Variants in OR4K2 observed in about 807,000 individuals in gnomAD.
OR4K2 encodes olfactory receptor 4K2.
A neutral mutation model predicts 10.5 loss-of-function variants in OR4K2; 8 were observed. That is an observed-to-expected ratio of 0.76 (90% CI 0.45 to 1.37). OR4K2 has a LOEUF of 1.37. Among genes scored for constraint, OR4K2 ranks in the 40% most tolerant of loss-of-function variants. The pLI is 0.00. For synonymous variants in OR4K2, 178 were observed against 133.6 expected, an observed-to-expected ratio of 1.33 and a Z score of -2.29; for missense variants, 547 against 379.5, an observed-to-expected ratio of 1.44 and a Z score of -3.67.
In OR4K2 at chr14:19,883,541, T is replaced by C. The variant is rs1881089960; in HGVS notation, c.*6329T>C. 6.6e-6 allele frequency: 1 copy of C among 152,254 alleles called. No homozygotes were observed. The highest frequency in any genetic ancestry group is 2.1e-4 in the South Asian group (1 of 4,836). 9.4% of individuals were successfully genotyped at this position (152,254 alleles called of 1,614,324 possible). A position where few individuals can be genotyped will look rare whatever the true frequency, so the allele number is the denominator to read the frequency against. On this transcript the variant is annotated 3_prime_UTR_variant, in exon 2 of 2. Coordinates refer to ENST00000641885, the MANE Select transcript of OR4K2 (RefSeq NM_001005501.2). ...TTTCTTCACTCACCCTAGCATACCA[T>C]ATAATTAGAAGTTTGGAACTGATCT...
In OR4K2 at chr14:19,879,824, G is replaced by A. The variant is rs1247783407; in HGVS notation, c.*2612G>A. The A allele has an allele frequency of 6.6e-6, 1 of 152,220 alleles. No homozygotes were observed. The highest frequency in any genetic ancestry group is 1.9e-4 in the East Asian group (1 of 5,198). The allele number at this position is 152,220 out of a possible 1,614,324, so 9.4% of individuals were successfully genotyped here. A position where few individuals can be genotyped will look rare whatever the true frequency, so the allele number is the denominator to read the frequency against. On this transcript the variant is annotated 3_prime_UTR_variant, in exon 2 of 2. Coordinates refer to ENST00000641885, the MANE Select transcript of OR4K2 (RefSeq NM_001005501.2). Reference sequence around the variant, plus strand: ...TTTACCATAAAGCTTGTAAAGCTTAGGTTTTATAACTCCTCCTTTGCATGG... The same window carrying A: ...TTTACCATAAAGCTTGTAAAGCTTAAGTTTTATAACTCCTCCTTTGCATGG...
rs1881095523 is a variant in OR4K2 at position 19,883,791 on chromosome 14, C to T, written c.*6579C>T. 1 of 152,128 alleles carries T rather than the reference C, an allele frequency of 6.6e-6. No individual in the cohort carries two copies. 9.4% of individuals were successfully genotyped at this position (152,128 alleles called of 1,614,324 possible). On this transcript the variant is annotated 3_prime_UTR_variant, in exon 2 of 2. Coordinates refer to ENST00000641885, the MANE Select transcript of OR4K2 (RefSeq NM_001005501.2). ...CATCAACATCTTTATATAACTTTTC[C>T]AATTTTTTAAAGAAAGATACCTCTC...
At position 19,877,108 on chromosome 14, in the gene OR4K2, A is replaced by C; in HGVS notation, c.841A>C (p.Thr281Pro). 6.2e-7 allele frequency: 1 copy of C among 1,607,764 alleles called. No homozygotes were observed. Among genetic ancestry groups the C allele is most frequent in the Non-Finnish European group, 8.5e-7 (1 of 1,179,774 alleles). Reference sequence around the variant, plus strand: ...TGTGTTTTATACCATCTTTACTCCCACTCTGAACCCAATAATCTATACTTT... The same window carrying C: ...TGTGTTTTATACCATCTTTACTCCCCCTCTGAACCCAATAATCTATACTTT... ...LSVFYTIFTPTLNPIIYTLRN... is the reference protein window; with the variant it reads ...LSVFYTIFTPPLNPIIYTLRN... Residue 281 changes from threonine (T) to proline (P), a missense_variant, in exon 2 of 2, where the codon ACT becomes CCT. Thr to Pro is a conservative substitution (Grantham distance 38, BLOSUM62 -1). Coordinates refer to ENST00000641885, the MANE Select transcript of OR4K2 (RefSeq NM_001005501.2).
In OR4K2 at chr14:19,875,456, C is replaced by T. The variant is rs1481828843; in HGVS notation, c.-702C>T. The T allele has an allele frequency of 6.6e-6, 1 of 152,218 alleles. No homozygotes were observed. Among genetic ancestry groups the T allele is most frequent in the Non-Finnish European group, 1.5e-5 (1 of 68,024 alleles). The allele number at this position is 152,218 out of a possible 1,614,324, so 9.4% of individuals were successfully genotyped here. ...TCAAACAGAGGTGAAATGAAAGAGA[C>T]TGATCTTTGAGCACTTTCCCATGAA... On this transcript the variant is annotated 5_prime_UTR_variant, in exon 1 of 2. Coordinates refer to ENST00000641885, the MANE Select transcript of OR4K2 (RefSeq NM_001005501.2).
In OR4K2 at chr14:19,876,641, C is replaced by T. The variant is rs1251466214; in HGVS notation, c.374C>T (p.Ala125Val). 1 of 1,614,050 alleles carries T rather than the reference C, an allele frequency of 6.2e-7. No individual in the cohort carries two copies. The highest frequency in any genetic ancestry group is 8.5e-7 in the Non-Finnish European group (1 of 1,180,004). Residue 125 changes from alanine to valine, a missense_variant, in exon 2 of 2, where the codon GCA becomes GTA. Transcript: ENST00000641885. ...LMAMSFDRYI[A>V]ICKPLHYASV... Reference sequence around the variant, plus strand: ...GCCATGTCCTTTGATAGGTATATTGCAATATGCAAGCCCCTGCACTATGCT... The same window carrying T: ...GCCATGTCCTTTGATAGGTATATTGTAATATGCAAGCCCCTGCACTATGCT...
Position 19,881,393 on chromosome 14 carries a change from C to T in OR4K2, c.*4181C>T, listed in dbSNP as rs1429382264. 4 of 152,180 alleles carry T rather than the reference C, an allele frequency of 2.6e-5. No homozygotes were observed. The highest frequency in any genetic ancestry group is 9.7e-5 in the African/African-American group (4 of 41,434). The allele number at this position is 152,180 out of a possible 1,614,324, so 9.4% of individuals were successfully genotyped here. A position where few individuals can be genotyped will look rare whatever the true frequency, so the allele number is the denominator to read the frequency against. Reference sequence around the variant, plus strand: ...ATTATTCTGGAGCGTGTAGGACCAACACTCAAATGAGACTGGAAATGTGAC... The same window carrying T: ...ATTATTCTGGAGCGTGTAGGACCAATACTCAAATGAGACTGGAAATGTGAC... On this transcript the variant is annotated 3_prime_UTR_variant, in exon 2 of 2. Coordinates refer to ENST00000641885, the MANE Select transcript of OR4K2 (RefSeq NM_001005501.2).
chr14:19,882,481 G>C lies in OR4K2; in HGVS notation c.*5269G>C, dbSNP rs558236394. 3 of 152,224 alleles carry C rather than the reference G, an allele frequency of 2.0e-5. No individual in the cohort carries two copies. Among genetic ancestry groups the C allele is most frequent in the East Asian group, 3.9e-4 (2 of 5,188 alleles). 9.4% of individuals were successfully genotyped at this position (152,224 alleles called of 1,614,324 possible). On this transcript the variant is annotated 3_prime_UTR_variant, in exon 2 of 2. Coordinates refer to ENST00000641885, the MANE Select transcript of OR4K2 (RefSeq NM_001005501.2). ...CCTTTTTATTGCAGTGTAAAAGCAAGGTAAAGAAAAATACACAAACATGTT... is the reference window on the plus strand; with the variant it reads ...CCTTTTTATTGCAGTGTAAAAGCAACGTAAAGAAAAATACACAAACATGTT...
Position 19,876,278 on chromosome 14 carries a change from G to GCAATAAGT in OR4K2, c.13_20dup (p.Thr8IlefsTer41). 1.3e-6 allele frequency: 2 copies of GCAATAAGT among 1,581,930 alleles called. No individual in the cohort carries two copies. Among genetic ancestry groups the GCAATAAGT allele is most frequent in the Non-Finnish European group, 1.7e-6 (2 of 1,155,484 alleles). Reference sequence around the variant, plus strand: ...CTATGAATCAAGACAATGGATGTGGGCAATAAGTCTACCATGTCTGAATTT... The same window carrying GCAATAAGT: ...CTATGAATCAAGACAATGGATGTGGGCAATAAGTCAATAAGTCTACCATGTCTGAATTT... On this transcript the variant is annotated frameshift_variant, in exon 2 of 2. Coordinates refer to ENST00000641885, the MANE Select transcript of OR4K2 (RefSeq NM_001005501.2). LOFTEE classifies it low-confidence loss of function (END_TRUNC).
Position 19,876,691 on chromosome 14 carries a change from G to T in OR4K2, c.424G>T (p.Val142Phe). Residue 142 changes from valine to phenylalanine, a missense_variant, in exon 2 of 2, where the codon GTT (valine) becomes TTT (phenylalanine). Coordinates refer to ENST00000641885, the MANE Select transcript of OR4K2 (RefSeq NM_001005501.2). ...TTCTGTCATTAGTCCCCAGGTGTGT[G>T]TTGCTCTCGTGGTGGCTTCCTGGAT... is the stretch of plus-strand genomic sequence containing the variant. ...YASVISPQVC[V>F]ALVVASWIMG... The T allele has an allele frequency of 6.2e-7, 1 of 1,614,172 alleles. No homozygotes were observed. Among genetic ancestry groups the T allele is most frequent in the Non-Finnish European group, 8.5e-7 (1 of 1,180,006 alleles).
rs79394827 is a variant in OR4K2 at position 19,879,865 on chromosome 14, C to T, written c.*2653C>T. On this transcript the variant is annotated 3_prime_UTR_variant, in exon 2 of 2. Transcript: ENST00000641885. Reference sequence around the variant, plus strand: ...CTTTGCATGGATTTCCTCGAAGGCCCTAGAATGGAAACTAACAACCTTTTA... The same window carrying T: ...CTTTGCATGGATTTCCTCGAAGGCCTTAGAATGGAAACTAACAACCTTTTA... 0.012 allele frequency: 1,831 copies of T among 152,134 alleles called. 30 individuals carry two copies. The highest frequency in any genetic ancestry group is 0.096 in the East Asian group (491 of 5,126). The allele number at this position is 152,134 out of a possible 1,614,324, so 9.4% of individuals were successfully genotyped here. A position where few individuals can be genotyped will look rare whatever the true frequency, so the allele number is the denominator to read the frequency against.
chr14:19,875,936 A>T lies in OR4K2; in HGVS notation c.-222A>T. On this transcript the variant is annotated 5_prime_UTR_variant, in exon 1 of 2. Coordinates refer to ENST00000641885, the MANE Select transcript of OR4K2 (RefSeq NM_001005501.2). ...TTCTTACTGTTATCGTTAGACTTAC[A>T]CAGATGAATAGATGGACAAATAGGT... The T allele has an allele frequency of 3.5e-6, 1 of 285,074 alleles. No individual in the cohort carries two copies. Among genetic ancestry groups the T allele is most frequent in the Non-Finnish European group, 6.6e-6 (1 of 151,822 alleles). 17.7% of individuals were successfully genotyped at this position (285,074 alleles called of 1,614,324 possible).
At position 19,876,470 on chromosome 14, in the gene OR4K2, T is replaced by A. The variant is rs771726135; in HGVS notation, c.203T>A (p.Ile68Asn). ...PMYFLLTNLSIIDMSLASFAT... is the reference protein window; with the variant it reads ...PMYFLLTNLSNIDMSLASFAT... ...TATTTCCTGCTTACCAATCTTTCAA[T>A]CATTGATATGTCTCTTGCTTCTTTC... is the stretch of plus-strand genomic sequence containing the variant. The change falls in exon 2 of 2, where the codon ATC becomes AAC. Residue 68 changes from isoleucine to asparagine, a missense_variant. Transcript: ENST00000641885. The A allele has an allele frequency of 1.9e-6, 3 of 1,614,182 alleles. No individual in the cohort carries two copies. The highest frequency in any genetic ancestry group is 2.5e-6 in the Non-Finnish European group (3 of 1,179,994).
Position 19,876,397 on chromosome 14 carries a change from C to G in OR4K2, c.130C>G (p.Leu44Val), listed in dbSNP as rs772191565. The change falls in exon 2 of 2, where the codon CTC (leucine) becomes GTC (valine). Residue 44 changes from leucine (L) to valine (V), a missense_variant. Physicochemically the swap from Leu to Val is conservative, Grantham distance 32 (BLOSUM62 1). Coordinates refer to ENST00000641885, the MANE Select transcript of OR4K2 (RefSeq NM_001005501.2). ...TGTGGCAACAATGGTGGGTAACAGCCTCATAGTCATCACAGTTATAGTGGA... is the reference window on the plus strand; with the variant it reads ...TGTGGCAACAATGGTGGGTAACAGCGTCATAGTCATCACAGTTATAGTGGA... ...LYVATMVGNS[L>V]IVITVIVDPH... 1.9e-6 allele frequency: 3 copies of G among 1,613,812 alleles called. No homozygotes were observed. In the African/African-American group the frequency reaches 4.0e-5, roughly 22 times the overall value.
intron 1 of OR4K2, 36 bp from the exon 2 acceptor site, chr14:19,876,209 C>A: frequency 2.5e-6 from 3 of 1,213,112 alleles, no homozygotes; most frequent in South Asian, 1.5e-5. Context: ...TTGAATCTGA[C>A]TTTCCTTTTT....
chr14:19,880,583 A>G lies in OR4K2; in HGVS notation c.*3371A>G. ...TGTCTGTATATGTGTGTCAGTATTA[A>G]TTTGAAAAATTAAAAGTAACTTCCA... On this transcript the variant is annotated 3_prime_UTR_variant, in exon 2 of 2. Transcript: ENST00000641885. The G allele has an allele frequency of 6.6e-6, 1 of 152,242 alleles. No homozygotes were observed. The highest frequency in any genetic ancestry group is 1.9e-4 in the East Asian group (1 of 5,206). The allele number at this position is 152,242 out of a possible 1,614,324, so 9.4% of individuals were successfully genotyped here. A position where few individuals can be genotyped will look rare whatever the true frequency, so the allele number is the denominator to read the frequency against.
Position 19,882,418 on chromosome 14 carries a change from A to C in OR4K2, c.*5206A>C, listed in dbSNP as rs1455174609. The C allele has an allele frequency of 6.6e-6, 1 of 152,166 alleles. No individual in the cohort carries two copies. Among genetic ancestry groups the C allele is most frequent in the Non-Finnish European group, 1.5e-5 (1 of 68,048 alleles). The allele number at this position is 152,166 out of a possible 1,614,324, so 9.4% of individuals were successfully genotyped here. A position where few individuals can be genotyped will look rare whatever the true frequency, so the allele number is the denominator to read the frequency against. On this transcript the variant is annotated 3_prime_UTR_variant, in exon 2 of 2. Coordinates refer to ENST00000641885, the MANE Select transcript of OR4K2 (RefSeq NM_001005501.2). ...GGTGGATTGGAGGGAGACTCCGTCA[A>C]TCAATCAATATCCATTACTTTAATT...
rs1326082255 is a variant in OR4K2, at chr14:19,878,317, A to C, written c.*1105A>C. The C allele has an allele frequency of 1.3e-5, 2 of 152,212 alleles. No homozygotes were observed. The highest frequency in any genetic ancestry group is 2.9e-5 in the Non-Finnish European group (2 of 68,012). The allele number at this position is 152,212 out of a possible 1,614,324, so 9.4% of individuals were successfully genotyped here. ...TGCAAATCATCTTTAAATGATGGCA[A>C]ACATTCATGAGTTAACTCTTATTTA... is the stretch of plus-strand genomic sequence containing the variant. On this transcript the variant is annotated 3_prime_UTR_variant, in exon 2 of 2. Transcript: ENST00000641885.
rs1881024132 is a variant in OR4K2, at chr14:19,881,045, T to TG, written c.*3834dup. On this transcript the variant is annotated 3_prime_UTR_variant, in exon 2 of 2. Transcript: ENST00000641885. ...ATTTTCAAATTTAAAAAACTACCAG[T>TG]GAATCTATTCTCTACATGTGAGTTT... is the stretch of plus-strand genomic sequence containing the variant. 1 of 152,218 alleles carries TG rather than the reference T, an allele frequency of 6.6e-6. No individual in the cohort carries two copies. Among genetic ancestry groups the TG allele is most frequent in the Non-Finnish European group, 1.5e-5 (1 of 68,032 alleles). 9.4% of individuals were successfully genotyped at this position (152,218 alleles called of 1,614,324 possible).
Position 19,879,529 on chromosome 14 carries a change from T to C in OR4K2, c.*2317T>C, listed in dbSNP as rs1880988767. 1.3e-5 allele frequency: 2 copies of C among 152,252 alleles called. No homozygotes were observed. Among genetic ancestry groups the C allele is most frequent in the African/African-American group, 4.8e-5 (2 of 41,470 alleles). 9.4% of individuals were successfully genotyped at this position (152,252 alleles called of 1,614,324 possible). ...TCTGCACTATCTGCAATAACACAAC[T>C]GAGGGAGTTCTGGAGCATTTATAAG... is the stretch of plus-strand genomic sequence containing the variant. On this transcript the variant is annotated 3_prime_UTR_variant, in exon 2 of 2. Transcript: ENST00000641885.
Sources: gnomAD v4.1 joint callset for allele counts on GRCh38, gnomAD v4.1.1 for gene constraint, MANE v1.5 for transcripts, NCBI Gene and HGNC (gene_info 2026-07-23, HGNC 2026-07-21) for gene names.